NOX5: variants seen among roughly 807,000 people sequenced by gnomAD.
The protein encoded by NOX5 is NADPH oxidase, EF-hand calcium binding domain 5.
A neutral mutation model predicts 85.7 loss-of-function variants in NOX5; 76 were observed. The ratio of observed to expected loss-of-function variants is 0.89; its 90% confidence interval spans 0.74 to 1.07. The LOEUF is 1.07. Ranked by LOEUF, NOX5 falls within the 50% of genes least tolerant of loss-of-function variation. The probability of loss-of-function intolerance (pLI) is 0.00; values close to 1 mark genes in which losing one functional copy is unlikely to be tolerated. For synonymous variants in NOX5, 405 were observed against 401.4 expected, an observed-to-expected ratio of 1.01 and a Z score of -0.11; for missense variants, 973 against 999.5, an observed-to-expected ratio of 0.97 and a Z score of 0.36.
At chr15:69,046,609 A>T (rs1297279279) in intron 10 of NOX5, among the ~76,000 whole-genome samples, 1 of 152,188 alleles carries the variant, frequency 6.6e-6, no homozygotes, top group Non-Finnish European at 1.5e-5. Flanking sequence ...AGAAGCTAAC[A>T]ATCAAGACTG....
rs1247818179 is a variant in NOX5 at position 69,039,000 on chromosome 15, C to G, written c.1504+11C>G. 1 of 1,614,006 alleles carries G rather than the reference C, an allele frequency of 6.2e-7. No homozygotes were observed. Among genetic ancestry groups the G allele is most frequent in the African/African-American group, 1.3e-5 (1 of 75,020 alleles). ...CTCCTGAGCAGAAAGGTAATGGCCA[C>G]CTCCTCCAGTCACTCTGCACATATT... On this transcript the variant is annotated intron_variant, in intron 9 of 15. Coordinates refer to ENST00000388866, the MANE Select transcript of NOX5 (RefSeq NM_024505.4).
At chr15:69,023,092 C>A (rs576398595) in intron 1 of NOX5, 1 of 422,014 alleles carries the variant, frequency 2.4e-6, no homozygotes, top group Non-Finnish European at 4.6e-6. Context: ...AATAACCCTG[C>A]AGACTTCTTC....
At chr15:69,031,427 T>C in intron 3 of NOX5, 91 bp from the exon 4 acceptor site, 3 of 1,396,834 alleles carry the variant, frequency 2.1e-6, no homozygotes, top group Non-Finnish European at 2.9e-6. Context: ...TGACATTTGG[T>C]CCTTCAGTTG....
At chr15:69,056,455 G>A (rs1200766148) in intron 15 of NOX5, 110 bp from the exon 16 acceptor site, 2 of 1,391,290 alleles carry the variant, frequency 1.4e-6, no homozygotes, top group African/African-American at 2.9e-5. Context: ...AAATGGGAAT[G>A]CTCATTGCTG....
chr15:69,032,601 G>A (rs1047894361), intron 4 of NOX5, among the ~76,000 whole-genome samples: 2 of 151,996 alleles, frequency 1.3e-5, no homozygotes, highest in Non-Finnish European at 2.9e-5. Context: ...AGTAGAGACG[G>A]GGTTTCGCCA....
chr15:69,054,029 T>C (rs1352760028), intron 14 of NOX5, among the ~76,000 whole-genome samples: 1 of 152,132 alleles, frequency 6.6e-6, no homozygotes, highest in Non-Finnish European at 1.5e-5. Context: ...CAGGTTGGAA[T>C]GGCAAAGCTC....
At chr15:69,031,251 C>T in intron 3 of NOX5, 1 of 520,660 alleles carries the variant, frequency 1.9e-6, no homozygotes, top group Admixed American at 3.5e-5. Context: ...ATTAAGTAAG[C>T]AGGTGTATTT....
At chr15:69,017,447 C>T (rs530471384) in intron 1 of NOX5, among the ~76,000 whole-genome samples, 22 of 152,240 alleles carry the variant, frequency 1.4e-4, no homozygotes, top group East Asian at 9.7e-4. Flanking sequence ...CCACTGCGGC[C>T]GGCCAGACGT....
intron 1 of NOX5, among the ~76,000 whole-genome samples, chr15:69,018,448 G>A (rs918845155): frequency 6.6e-6 from 1 of 152,158 alleles, no homozygotes; most frequent in Non-Finnish European, 1.5e-5. Flanking sequence ...AGAAAACGCT[G>A]CTCTGATAGG....
intron 14 of NOX5, 115 bp downstream of exon 14, chr15:69,049,173 A>C: frequency 1.8e-6 from 1 of 548,552 alleles, no homozygotes. Flanking sequence ...CCATTTAACC[A>C]TTAAAGTGAA....
At chr15:69,030,219 T>G (rs562980643) in intron 3 of NOX5, 2 of 152,238 alleles carry the variant, frequency 1.3e-5, no homozygotes, top group African/African-American at 4.8e-5. Flanking sequence ...CAAATAGGAA[T>G]TATGATAATA....
intron 11 of NOX5, 74 bp from the exon 12 acceptor site, chr15:69,047,338 TG>T: frequency 2.0e-6 from 3 of 1,485,472 alleles, no homozygotes; most frequent in Non-Finnish European, 1.8e-6. Context: ...TCTGAAGCCC[TG>T]GGGACATCCC....
In NOX5 at chr15:69,037,115, C is replaced by T. The variant is rs778826232; in HGVS notation, c.1276C>T (p.Pro426Ser). The T allele has an allele frequency of 6.2e-7, 1 of 1,614,046 alleles. No individual in the cohort carries two copies. Among genetic ancestry groups the T allele is most frequent in the Non-Finnish European group, 8.5e-7 (1 of 1,180,022 alleles). The change falls in exon 8 of 16, where the codon CCT becomes TCT. Residue 426 changes from proline (P) to serine (S), a missense_variant. By Grantham distance (74) the Pro-to-Ser change is moderately conservative. Coordinates refer to ENST00000388866, the MANE Select transcript of NOX5 (RefSeq NM_024505.4). The part of the protein sequence containing the change: ...GPNFWKWLLV[P>S]GILFFLEKAI... The stretch of plus-strand genomic sequence containing the variant: ...CAACTTCTGGAAGTGGCTGCTGGTG[C>T]CTGGAATCTTGTTTTTCCTGGAGAA...
chr15:69,028,462 C>T (rs906276427), intron 3 of NOX5, 97 bp downstream of exon 3: 22 of 1,261,668 alleles, frequency 1.7e-5, no homozygotes, highest in East Asian at 1.0e-4. Flanking sequence ...GGTGCCATCC[C>T]GGCCTCCTGA....
chr15:69,051,357 G>C (rs1354981767), intron 14 of NOX5, among the ~76,000 whole-genome samples: 1 of 152,120 alleles, frequency 6.6e-6, no homozygotes, highest in Non-Finnish European at 1.5e-5. Context: ...TCAGGTGGAA[G>C]GGTAAATGTG....
intron 1 of NOX5, among the ~76,000 whole-genome samples, chr15:69,018,806 C>T (rs1453674409): frequency 2.6e-5 from 4 of 152,126 alleles, no homozygotes; most frequent in Non-Finnish European, 5.9e-5. Flanking sequence ...ACTGATGGCA[C>T]AGGATTAAAG....
At chr15:69,026,189 A>G (rs183699802) in intron 1 of NOX5, among the ~76,000 whole-genome samples, 10 of 152,330 alleles carry the variant, frequency 6.6e-5, no homozygotes, top group Admixed American at 6.5e-4. Context: ...CAAGATGGAA[A>G]GTCATTGTCA....
rs1242066995 is a variant in NOX5, at chr15:69,033,075, G to A, written c.653G>A (p.Arg218His). 5.8e-6 allele frequency: 9 copies of A among 1,548,162 alleles called. No individual in the cohort carries two copies. Among genetic ancestry groups the A allele is most frequent in the African/African-American group, 1.4e-5 (1 of 71,108 alleles). Reference protein sequence around the residue: ...AAHWLTAPAPRPRPRRPRQLT... With the variant: ...AAHWLTAPAPHPRPRRPRQLT... ...CACTGGCTGACGGCCCCCGCCCCCC[G>A]CCCACGCCCGCGCCGGCCGCGCCAG... Residue 218 changes from arginine to histidine, a missense_variant, in exon 5 of 16, where the codon CGC (arginine) becomes CAC (histidine). Physicochemically the swap from Arg to His is conservative, Grantham distance 29. Coordinates refer to ENST00000388866, the MANE Select transcript of NOX5 (RefSeq NM_024505.4).
chr15:69,054,133 G>T (rs190407159), intron 14 of NOX5, among the ~76,000 whole-genome samples: 1 of 152,062 alleles, frequency 6.6e-6, no homozygotes, highest in African/African-American at 2.4e-5. Flanking sequence ...CCTAGATCAG[G>T]CCCTGCCAAC....
Sources: gnomAD v4.1 joint callset for allele counts (sites outside exome capture counted in the v4.1 genomes callset) on GRCh38, gnomAD v4.1.1 for gene constraint, MANE v1.5 for transcripts, NCBI Gene and HGNC (gene_info 2026-07-23, HGNC 2026-07-21) for gene names.